MYO18B: variants seen among roughly 807,000 people sequenced by gnomAD.
MYO18B encodes myosin XVIIIB, also known as unconventional myosin-XVIIIb.
Under a neutral mutation model 273.0 loss-of-function variants are expected in MYO18B, and 204 were observed. That is an observed-to-expected ratio of 0.75 (90% confidence interval 0.67 to 0.84). The LOEUF is 0.84. MYO18B is among the 40% of genes least tolerant of loss of function. The probability of loss-of-function intolerance (pLI) is 0.00; values close to 1 mark genes in which losing one functional copy is unlikely to be tolerated. For synonymous variants in MYO18B, 1,330 were observed against 1,305.7 expected (o/e 1.02, Z -0.40); for missense variants, 3,212 against 3,287.6 (o/e 0.98, Z 0.56).
rs910590098 is a variant in MYO18B, at chr22:26,030,449, T to G, written c.*19T>G. On this transcript the variant is annotated 3_prime_UTR_variant, in exon 44 of 44. Coordinates refer to ENST00000335473, the MANE Select transcript of MYO18B (RefSeq NM_032608.7). ...GACCTATGTTTGCTTCCAGCCTCCTTGAAGCTGCCCTTGAAGACTTCCCGA... is the reference window on the plus strand; with the variant it reads ...GACCTATGTTTGCTTCCAGCCTCCTGGAAGCTGCCCTTGAAGACTTCCCGA... 8 of 154,914 alleles carry G rather than the reference T, an allele frequency of 5.2e-5. No homozygotes were observed. Among genetic ancestry groups the G allele is most frequent in the African/African-American group, 1.9e-4 (8 of 41,544 alleles). 9.6% of individuals were successfully genotyped at this position (154,914 alleles called of 1,614,324 possible). A position where few individuals can be genotyped will look rare whatever the true frequency, so the allele number is the denominator to read the frequency against.
intron 13 of MYO18B, 78 bp downstream of exon 13, chr22:25,823,756 CT>C (rs143285237): frequency 6.8e-7 from 1 of 1,461,764 alleles, no homozygotes; most frequent in East Asian, 2.3e-5. Context: ...CATTCTTTAA[CT>C]TTTTTATCAA....
intron 11 of MYO18B, 63 bp downstream of exon 11, chr22:25,785,554 A>C: frequency 6.5e-7 from 1 of 1,532,914 alleles, no homozygotes; most frequent in Non-Finnish European, 8.9e-7. Flanking sequence ...TGGGAGGGTG[A>C]TGAGTCGCCG....
At chr22:25,988,714 C>T (rs1026375135) in intron 39 of MYO18B, among the ~76,000 whole-genome samples, 2 of 152,212 alleles carry the variant, frequency 1.3e-5, no homozygotes, top group Non-Finnish European at 2.9e-5. Flanking sequence ...GACTCCTTCT[C>T]CTATGAGAAT....
chr22:25,777,948 T>G (rs543245701), intron 8 of MYO18B, among the ~76,000 whole-genome samples, 167 bp downstream of exon 8: 1 of 152,300 alleles, frequency 6.6e-6, no homozygotes, highest in East Asian at 1.9e-4. Flanking sequence ...GTCATTGGGA[T>G]GCATTTGTTG....
chr22:26,054,807 T>C, the MYO18B span, among the ~76,000 whole-genome samples: 18 of 152,316 alleles, frequency 1.2e-4, no homozygotes, highest in African/African-American at 4.1e-4. Flanking sequence ...ACAGCCTGGC[T>C]CTGCCACTGA....
chr22:25,949,611 A>G (rs1177916366), intron 36 of MYO18B, among the ~76,000 whole-genome samples: 1 of 152,210 alleles, frequency 6.6e-6, no homozygotes, highest in Non-Finnish European at 1.5e-5. Flanking sequence ...AAGGAATAAT[A>G]ATAACAAAAT....
At chr22:25,997,474 T>G (rs1933416112) in intron 40 of MYO18B, among the ~76,000 whole-genome samples, 1 of 152,050 alleles carries the variant, frequency 6.6e-6, no homozygotes, top group Non-Finnish European at 1.5e-5. Flanking sequence ...CCCAGGGTGG[T>G]TCTTAGGGAG....
At chr22:25,946,887 C>T (rs2092718356) in intron 35 of MYO18B, among the ~76,000 whole-genome samples, 1 of 152,136 alleles carries the variant, frequency 6.6e-6, no homozygotes, top group Non-Finnish European at 1.5e-5. Flanking sequence ...CCTGTGCTCA[C>T]CCCTGAATGG....
the MYO18B span, among the ~76,000 whole-genome samples, chr22:26,043,713 A>C: frequency 2.6e-5 from 4 of 151,754 alleles, no homozygotes; most frequent in African/African-American, 9.7e-5. Context: ...ATGGGGTTTC[A>C]GCATGTTGGC....
intron 21 of MYO18B, among the ~76,000 whole-genome samples, chr22:25,864,512 G>C (rs556763748): frequency 6.6e-6 from 1 of 152,330 alleles, no homozygotes; most frequent in South Asian, 2.1e-4. Context: ...AGACCAGAGA[G>C]GAGGAGAGGC....
At chr22:25,994,860 A>G (rs1487453909) in intron 40 of MYO18B, among the ~76,000 whole-genome samples, 2 of 152,254 alleles carry the variant, frequency 1.3e-5, no homozygotes, top group African/African-American at 4.8e-5. Context: ...CTGTAGTTAC[A>G]ACCATCTTTG....
the MYO18B span, among the ~76,000 whole-genome samples, chr22:26,045,791 A>T: frequency 1.3e-5 from 2 of 152,248 alleles, no homozygotes; most frequent in Non-Finnish European, 2.9e-5. Flanking sequence ...AATAGGTGAA[A>T]GGTCCCAGCG....
chr22:25,816,473 C>G (rs535930885), intron 12 of MYO18B, among the ~76,000 whole-genome samples: 9 of 152,204 alleles, frequency 5.9e-5, no homozygotes, highest in Admixed American at 2.0e-4. Context: ...TTAGGTTTCT[C>G]CTACTGCTAT....
chr22:25,959,089 C>G (rs2092887464), intron 39 of MYO18B: 1 of 152,122 alleles, frequency 6.6e-6, no homozygotes, highest in Admixed American at 6.5e-5. Context: ...GTACTTCGTA[C>G]AAGTATGGAG....
the MYO18B span, among the ~76,000 whole-genome samples, chr22:26,052,623 G>T: frequency 1.3e-5 from 2 of 152,114 alleles, no homozygotes; most frequent in Non-Finnish European, 2.9e-5. Flanking sequence ...CAGATGAAAA[G>T]AACAAGAAAG....
At chr22:25,755,027 C>T (rs1417243430) in intron 1 of MYO18B, among the ~76,000 whole-genome samples, 2 of 152,092 alleles carry the variant, frequency 1.3e-5, no homozygotes, top group African/African-American at 2.4e-5. Flanking sequence ...TGACGTCAGG[C>T]CTATTTATAA....
chr22:26,020,262 A>G (rs867599859), intron 42 of MYO18B, among the ~76,000 whole-genome samples: 3 of 152,044 alleles, frequency 2.0e-5, no homozygotes, highest in South Asian at 2.1e-4. Context: ...ACCGATTTTC[A>G]TGGAGCATCT....
At chr22:26,035,317 T>A (rs1936757741), downstream of MYO18B, among the ~76,000 whole-genome samples, 1 of 152,176 alleles carries the variant, frequency 6.6e-6, no homozygotes, top group African/African-American at 2.4e-5. Context: ...AAATGGAAAT[T>A]TCTTTGGAAT....
At chr22:25,840,232 T>C (rs766673788) in intron 17 of MYO18B, among the ~76,000 whole-genome samples, 8 of 152,218 alleles carry the variant, frequency 5.3e-5, no homozygotes, top group Admixed American at 1.3e-4. Context: ...CATATGTGCA[T>C]GTTCCTCTCC....
Sources: allele counts gnomAD v4.1 joint callset (sites outside exome capture counted in the v4.1 genomes callset), GRCh38; gene constraint gnomAD v4.1.1; transcripts MANE v1.5; gene names NCBI Gene and HGNC (gene_info 2026-07-23, HGNC 2026-07-21).